Variants in ZBTB16 observed in about 807,000 individuals in gnomAD.
ZBTB16 encodes the protein zinc finger and BTB domain-containing protein 16.
In ZBTB16, 8 loss-of-function variants were observed where a neutral mutation model predicts 56.8. The ratio of observed to expected loss-of-function variants is 0.14; its 90% CI spans 0.08 to 0.25. The LOEUF (loss-of-function observed/expected upper bound fraction) is 0.25. ZBTB16 is among the 10% of genes least tolerant of loss of function. The probability of loss-of-function intolerance (pLI) is 1.00; values close to 1 mark genes in which losing one functional copy is unlikely to be tolerated. For missense variants in ZBTB16, 625 were observed against 903.0 expected, an observed-to-expected ratio of 0.69 and a Z score of 3.95; for synonymous variants, 363 against 368.5, an observed-to-expected ratio of 0.98 and a Z score of 0.17.
chr11:114,083,218 CTTTGTCTTTTT>C (rs1939835728), intron 2 of ZBTB16, among the ~76,000 whole-genome samples: 2 of 152,160 alleles, frequency 1.3e-5, no homozygotes, highest in Non-Finnish European at 2.9e-5. Flanking sequence ...TTTCTCTTTT[CTTTGTCTTTTT>C]TAAAAAAAGA....
Position 114,060,175 on chromosome 11 carries a change from G to A in ZBTB16, c.-91+293G>A, listed in dbSNP as rs1313022546. On this transcript the variant is annotated intron_variant, in intron 1 of 6. Transcript: ENST00000335953. This position sits in a 1 kb window ranked among gnomAD's most constrained non-coding sequence, Gnocchi z 6.0. ...GTGGGGGGCGTAGCGGTGTGCGGGG[G>A]CTGAGGGCGTGAGCAGAGGGGTCGG... is the stretch of plus-strand genomic sequence containing the variant. 2 of 178,928 alleles carry A rather than the reference G, an allele frequency of 1.1e-5. No homozygotes were observed. The highest frequency in any genetic ancestry group is 2.3e-5 in the African/African-American group (1 of 42,604). 11.1% of individuals were successfully genotyped at this position (178,928 alleles called of 1,614,324 possible).
intron 4 of ZBTB16, among the ~76,000 whole-genome samples, chr11:114,198,256 GC>G (rs1475943497): frequency 6.6e-6 from 1 of 152,234 alleles, no homozygotes; most frequent in Non-Finnish European, 1.5e-5. Flanking sequence ...CTGAAGAACG[GC>G]CGCGGAACGT....
At position 114,063,894 on chromosome 11, in the gene ZBTB16, C is replaced by T; in HGVS notation, c.594C>T (p.Pro198=). ...STSFGLSAMS[P]TKAAVDSLMT... is the part of the protein sequence containing the mutation. ...CATTTGGTCTTTCAGCCATGAGTCCCACCAAGGCTGCAGTGGACAGTTTGA... is the reference window on the plus strand; with the variant it reads ...CATTTGGTCTTTCAGCCATGAGTCCTACCAAGGCTGCAGTGGACAGTTTGA... Residue 198 remains proline (P), a synonymous_variant, in exon 2 of 7, where the codon CCC becomes CCT. Coordinates refer to ENST00000335953, the MANE Select transcript of ZBTB16 (RefSeq NM_006006.6). This position sits in a 1 kb window ranked among gnomAD's most constrained non-coding sequence, Gnocchi z 6.5. 1 of 1,614,070 alleles carries T rather than the reference C, an allele frequency of 6.2e-7. No individual in the cohort carries two copies. Among genetic ancestry groups the T allele is most frequent in the Non-Finnish European group, 8.5e-7 (1 of 1,180,038 alleles).
chr11:114,183,281 G>T (rs974908628), intron 3 of ZBTB16, among the ~76,000 whole-genome samples: 13 of 152,198 alleles, frequency 8.5e-5, no homozygotes, highest in Admixed American at 3.9e-4. Flanking sequence ...CGAGGTGGGG[G>T]TGGAGTGGCG....
chr11:114,160,260 T>C (rs1421026000), intron 3 of ZBTB16, among the ~76,000 whole-genome samples: 2 of 152,194 alleles, frequency 1.3e-5, no homozygotes, highest in Non-Finnish European at 2.9e-5. Flanking sequence ...CCATTAATTT[T>C]TTTTTTCTAA....
At chr11:114,133,790 G>GC (rs1046565335) in intron 2 of ZBTB16, among the ~76,000 whole-genome samples, 5 of 152,188 alleles carry the variant, frequency 3.3e-5, no homozygotes, top group African/African-American at 1.2e-4. Context: ...CACTGGGTTG[G>GC]CCCCATGGTC....
intron 4 of ZBTB16, among the ~76,000 whole-genome samples, chr11:114,229,540 C>T (rs1301317195): frequency 1.3e-5 from 2 of 152,220 alleles, no homozygotes; most frequent in Non-Finnish European, 2.9e-5. Context: ...GCCTCTCACC[C>T]TCTACCTGGT....
intron 3 of ZBTB16, among the ~76,000 whole-genome samples, chr11:114,180,496 A>C (rs1448940403): frequency 6.6e-6 from 1 of 152,134 alleles, no homozygotes; most frequent in Non-Finnish European, 1.5e-5. Flanking sequence ...CATGCTGATG[A>C]GAGGGAGATC....
At chr11:114,211,604 G>C (rs2135130649) in intron 4 of ZBTB16, among the ~76,000 whole-genome samples, 1 of 152,264 alleles carries the variant, frequency 6.6e-6, no homozygotes, top group African/African-American at 2.4e-5. Flanking sequence ...CACTTCCCCA[G>C]GTCCTGGTTG....
At chr11:114,246,068 CCT>C (rs1325259176) in intron 5 of ZBTB16, among the ~76,000 whole-genome samples, 2 of 152,180 alleles carry the variant, frequency 1.3e-5, no homozygotes, top group African/African-American at 4.8e-5. Flanking sequence ...CACACCCCAA[CCT>C]CTCATGCTCT....
chr11:114,099,111 G>T (rs1413625704), intron 2 of ZBTB16, among the ~76,000 whole-genome samples: 1 of 152,158 alleles, frequency 6.6e-6, no homozygotes, highest in South Asian at 2.1e-4. Flanking sequence ...TATGACACCT[G>T]CCTCTAGAAC....
At chr11:114,164,536 G>A (rs1280871067) in intron 3 of ZBTB16, among the ~76,000 whole-genome samples, 2 of 152,214 alleles carry the variant, frequency 1.3e-5, no homozygotes, top group African/African-American at 2.4e-5. Flanking sequence ...GAATAGATAT[G>A]GGGTTATTGG....
At chr11:114,236,102 C>G (rs944125002) in intron 4 of ZBTB16, among the ~76,000 whole-genome samples, 1 of 152,156 alleles carries the variant, frequency 6.6e-6, no homozygotes, top group Non-Finnish European at 1.5e-5. Flanking sequence ...TTCTTCAGAA[C>G]AGCAGAGGTG....
At position 114,123,223 on chromosome 11, in the gene ZBTB16, A is replaced by G. The variant is rs535001864; in HGVS notation, c.1269-33114A>G. ...ATCAGCGCTTCAACATATTAATTGTAGAGGGGCACAATTCAGTCCATAGTA... is the reference window on the plus strand; with the variant it reads ...ATCAGCGCTTCAACATATTAATTGTGGAGGGGCACAATTCAGTCCATAGTA... On this transcript the variant is annotated intron_variant, in intron 2 of 6. Coordinates refer to ENST00000335953, the MANE Select transcript of ZBTB16 (RefSeq NM_006006.6). 1.3e-5 allele frequency among the ~76,000 whole-genome samples: 2 copies of G among 152,258 alleles called. 1 individual carries two copies. Among genetic ancestry groups the G allele is most frequent in the African/African-American group, 4.8e-5 (2 of 41,548 alleles).
chr11:114,227,259 C>T (rs559287565), intron 4 of ZBTB16, among the ~76,000 whole-genome samples: 1 of 152,158 alleles, frequency 6.6e-6, no homozygotes, highest in African/African-American at 2.4e-5. Context: ...AGGTATCCCC[C>T]ACCTGTGTGC....
rs1944566924 is a variant in ZBTB16 at position 114,235,703 on chromosome 11, C to CTTTTCTTTCTTTCT, written c.1454-6447_1454-6434dup. Among the ~76,000 whole-genome samples the CTTTTCTTTCTTTCT allele has an allele frequency of 3.0e-5, 3 of 100,794 alleles. No individual in the cohort carries two copies. The South Asian group carries it at 9.5e-4, about 32-fold the overall frequency. The allele number at this position is 100,794 out of a possible 152,430, so 66.1% of individuals were successfully genotyped here. A position where few individuals can be genotyped will look rare whatever the true frequency, so the allele number is the denominator to read the frequency against. On this transcript the variant is annotated intron_variant, in intron 4 of 6. Transcript: ENST00000335953. ...CTTTCTTTCTTTCTTTTCTTTCTTT[C>CTTTTCTTTCTTTCT]TTTTCTTTCTTTCTTTTTCTTTCTT...
At chr11:114,088,573 C>T (rs1940054738) in intron 2 of ZBTB16, among the ~76,000 whole-genome samples, 1 of 152,150 alleles carries the variant, frequency 6.6e-6, no homozygotes, top group Non-Finnish European at 1.5e-5. Context: ...AGTCTAGTGC[C>T]CTGGACATCA....
intron 4 of ZBTB16, among the ~76,000 whole-genome samples, chr11:114,199,637 G>C (rs1378480561): frequency 6.6e-6 from 1 of 152,204 alleles, no homozygotes; most frequent in Admixed American, 6.5e-5. Context: ...GGGACAAATG[G>C]CTTCGTTTCC....
chr11:114,248,966 T>C (rs1030315678), intron 6 of ZBTB16, among the ~76,000 whole-genome samples: 24 of 152,192 alleles, frequency 1.6e-4, no homozygotes, highest in African/African-American at 5.5e-4. Context: ...GCGAGATGGC[T>C]GGCCAGTTAA....
Sources: allele counts gnomAD v4.1 joint callset (sites outside exome capture counted in the v4.1 genomes callset), GRCh38; gene constraint gnomAD v4.1.1; non-coding constraint Gnocchi (gnomAD v3.1); transcripts MANE v1.5; gene names NCBI Gene and HGNC (gene_info 2026-07-23, HGNC 2026-07-21).